The following GRIN3A variants were observed in gnomAD, a reference collection of about 807,000 sequenced individuals.
GRIN3A encodes the protein glutamate receptor ionotropic, NMDA 3A.
Under a neutral mutation model 92.4 loss-of-function variants are expected in GRIN3A, and 47 were observed. The ratio of observed to expected loss-of-function variants is 0.51; its 90% CI spans 0.40 to 0.65. The LOEUF (loss-of-function observed/expected upper bound fraction) is 0.65. Ranked by LOEUF, GRIN3A falls within the 30% of genes least tolerant of loss-of-function variation. The probability of loss-of-function intolerance (pLI) is 0.00; values close to 1 mark genes in which losing one functional copy is unlikely to be tolerated. For synonymous variants in GRIN3A, 527 were observed against 540.6 expected (o/e 0.97, Z 0.35); for missense variants, 1,324 against 1,393.1 (o/e 0.95, Z 0.79).
chr9:101,712,398 A>C (rs1055287198), intron 1 of GRIN3A, among the ~76,000 whole-genome samples: 9 of 152,198 alleles, frequency 5.9e-5, no homozygotes, highest in African/African-American at 1.7e-4. Flanking sequence ...GCTTCAAACC[A>C]GGTCATGGGT....
chr9:101,724,000 G>T (rs1168397545), intron 1 of GRIN3A, among the ~76,000 whole-genome samples: 6 of 152,218 alleles, frequency 3.9e-5, no homozygotes, highest in Non-Finnish European at 8.8e-5. Context: ...CCCTGAGCTA[G>T]ACATAAAGGT....
chr9:101,637,902 A>G (rs935006305), intron 3 of GRIN3A, among the ~76,000 whole-genome samples: 3 of 152,178 alleles, frequency 2.0e-5, no homozygotes, highest in African/African-American at 7.2e-5. Flanking sequence ...GTGATGTAAG[A>G]GTGAGCTTGA....
intron 3 of GRIN3A, among the ~76,000 whole-genome samples, chr9:101,643,773 T>C (rs1445048630): frequency 6.6e-6 from 1 of 150,616 alleles, no homozygotes; most frequent in Non-Finnish European, 1.5e-5. Flanking sequence ...TCAGAGGATA[T>C]TATGTTAAAT....
chr9:101,611,097 C>CAA (rs58762561), intron 6 of GRIN3A, among the ~76,000 whole-genome samples: 41 of 104,896 alleles, frequency 3.9e-4, no homozygotes, highest in African/African-American at 1.2e-3. Flanking sequence ...GAGTCTGTCT[C>CAA]AAAAAAAAAA....
intron 4 of GRIN3A, among the ~76,000 whole-genome samples, chr9:101,623,804 A>T (rs1828590976): frequency 6.6e-6 from 1 of 152,228 alleles, no homozygotes; most frequent in South Asian, 2.1e-4. Context: ...ATTGTTCTCT[A>T]TACCTTTTAT....
intron 1 of GRIN3A, among the ~76,000 whole-genome samples, chr9:101,701,458 C>A (rs2506361): frequency 0.92 from 140,503 of 152,086 alleles, 65,223 homozygotes; most frequent in Middle Eastern, 0.97. Context: ...GTAAGTGAGA[C>A]CATGCCTAGC....
At chr9:101,609,094 G>A (rs544453520) in intron 6 of GRIN3A, among the ~76,000 whole-genome samples, 1 of 152,312 alleles carries the variant, frequency 6.6e-6, no homozygotes, top group South Asian at 2.1e-4. Flanking sequence ...TTCGTGATTT[G>A]ACCCTGTGTT....
rs80154241 is a variant in GRIN3A at position 101,728,183 on chromosome 9, G to A, written c.699+9098C>T. Among the ~76,000 whole-genome samples the A allele has an allele frequency of 1.3e-3, 192 of 152,220 alleles. 1 individual carries two copies. The highest frequency in any genetic ancestry group is 2.3e-3 in the Non-Finnish European group (158 of 68,004). On this transcript the variant is annotated intron_variant, in intron 1 of 8. Coordinates refer to ENST00000361820, the MANE Select transcript of GRIN3A (RefSeq NM_133445.3). ...AGACATGCTGAATGTTGAACTTTAC[G>A]AAAACAAAAACTTTTCTTTTTAATC...
intron 1 of GRIN3A, among the ~76,000 whole-genome samples, chr9:101,695,433 T>C (rs557237178): frequency 2.2e-4 from 33 of 152,208 alleles, no homozygotes; most frequent in Non-Finnish European, 3.7e-4. Flanking sequence ...GGCCCCCAGT[T>C]TGAGCCAGTC....
At chr9:101,686,153 GAA>G (rs1829530451) in intron 2 of GRIN3A, among the ~76,000 whole-genome samples, 1 of 152,146 alleles carries the variant, frequency 6.6e-6, no homozygotes, top group African/African-American at 2.4e-5. Flanking sequence ...TATTGATATG[GAA>G]AAGAGTGGGT....
At chr9:101,631,414 CAT>C (rs1224837004) in intron 3 of GRIN3A, among the ~76,000 whole-genome samples, 3 of 152,154 alleles carry the variant, frequency 2.0e-5, no homozygotes, top group African/African-American at 4.8e-5. Flanking sequence ...ACCTTTCTCT[CAT>C]ATAGAAACAG....
At chr9:101,591,556 G>A (rs1828026623) in intron 6 of GRIN3A, 1 of 152,142 alleles carries the variant, frequency 6.6e-6, no homozygotes, top group African/African-American at 2.4e-5. Context: ...GACTCACAGT[G>A]TTGTTATGAT....
At chr9:101,621,034 C>T (rs1054389786) in intron 5 of GRIN3A, among the ~76,000 whole-genome samples, 4 of 152,010 alleles carry the variant, frequency 2.6e-5, no homozygotes, top group Non-Finnish European at 5.9e-5. Context: ...CCTGTAATCC[C>T]AGCACTTTGG....
intron 1 of GRIN3A, among the ~76,000 whole-genome samples, chr9:101,721,731 C>T (rs1830015191): frequency 3.9e-5 from 6 of 152,086 alleles, no homozygotes; most frequent in Admixed American, 3.9e-4. Context: ...GGCATTTTAC[C>T]CCTGCCCTAG....
At chr9:101,596,398 G>T (rs1255694867) in intron 6 of GRIN3A, among the ~76,000 whole-genome samples, 1 of 152,176 alleles carries the variant, frequency 6.6e-6, no homozygotes, top group Non-Finnish European at 1.5e-5. Flanking sequence ...AGAGAAATGA[G>T]CATGGTACAG....
At chr9:101,610,980 C>T (rs1226855432) in intron 6 of GRIN3A, among the ~76,000 whole-genome samples, 1 of 151,932 alleles carries the variant, frequency 6.6e-6, no homozygotes, top group Non-Finnish European at 1.5e-5. Flanking sequence ...CACCTGTAGT[C>T]CCAGCTACTC....
At chr9:101,637,123 C>G (rs1280925825) in intron 3 of GRIN3A, among the ~76,000 whole-genome samples, 1 of 151,912 alleles carries the variant, frequency 6.6e-6, no homozygotes, top group Non-Finnish European at 1.5e-5. Context: ...GACAGAGTCT[C>G]GCTCTGTCGC....
At chr9:101,624,454 T>A (rs1439563520) in intron 4 of GRIN3A, among the ~76,000 whole-genome samples, 1 of 145,456 alleles carries the variant, frequency 6.9e-6, no homozygotes, top group Non-Finnish European at 1.5e-5. Context: ...AGTTCCCACC[T>A]ATGAGTGAGA....
At chr9:101,604,673 G>A (rs939364401) in intron 6 of GRIN3A, among the ~76,000 whole-genome samples, 1 of 152,168 alleles carries the variant, frequency 6.6e-6, no homozygotes, top group Non-Finnish European at 1.5e-5. Flanking sequence ...AAAGGGGCAG[G>A]AGGGTGTTGG....
Sources: gnomAD v4.1 joint callset for allele counts (sites outside exome capture counted in the v4.1 genomes callset) on GRCh38, gnomAD v4.1.1 for gene constraint, MANE v1.5 for transcripts, NCBI Gene and HGNC (gene_info 2026-07-23, HGNC 2026-07-21) for gene names.